Variants in SYNPO2 observed in about 807,000 individuals in gnomAD.
The protein encoded by SYNPO2 is synaptopodin 2.
Under a neutral mutation model 85.0 loss-of-function variants are expected in SYNPO2, and 56 were observed. The ratio of observed to expected loss-of-function variants is 0.66; its 90% CI spans 0.53 to 0.82. The LOEUF is 0.82. Ranked by LOEUF, SYNPO2 falls within the 40% of genes least tolerant of loss-of-function variation. The pLI is 0.00. For missense variants in SYNPO2, 1,575 were observed against 1,534.2 expected (o/e 1.03, Z -0.44); for synonymous variants, 602 against 591.1 (o/e 1.02, Z -0.27).
intron 1 of SYNPO2, among the ~76,000 whole-genome samples, chr4:118,903,646 G>A (rs1326069042): frequency 6.6e-6 from 1 of 152,040 alleles, no homozygotes; most frequent in Non-Finnish European, 1.5e-5. Context: ...CAGTTTAAGA[G>A]AAGGGATCCT....
At chr4:119,024,214 A>G (rs1233511335) in intron 2 of SYNPO2, among the ~76,000 whole-genome samples, 1 of 152,228 alleles carries the variant, frequency 6.6e-6, no homozygotes, top group African/African-American at 2.4e-5. Context: ...AATGTAAAAA[A>G]CAAAAGAAAA....
At chr4:119,037,574 C>G (rs553995877) in intron 4 of SYNPO2, 314 of 989,278 alleles carry the variant, frequency 3.2e-4, no homozygotes, top group Middle Eastern at 3.1e-3. Context: ...TGGTTCAAGT[C>G]AGGATGACAT....
At chr4:118,900,731 A>C (rs201266928) in intron 1 of SYNPO2, among the ~76,000 whole-genome samples, 10,212 of 86,534 alleles carry the variant, frequency 0.12, 657 homozygotes, top group Non-Finnish European at 0.14. Flanking sequence ...ATATATATAT[A>C]TGTCTGTCTG....
intron 1 of SYNPO2, among the ~76,000 whole-genome samples, chr4:118,872,018 T>G (rs1731812106): frequency 6.6e-6 from 1 of 151,542 alleles, no homozygotes; most frequent in Admixed American, 6.6e-5. Context: ...ATCATGCTTT[T>G]GCCTTAGTCA....
At chr4:118,873,244 A>G (rs942568931) in intron 1 of SYNPO2, among the ~76,000 whole-genome samples, 1 of 152,186 alleles carries the variant, frequency 6.6e-6, no homozygotes, top group African/African-American at 2.4e-5. Context: ...CAGTAGTTCT[A>G]ATTTTAGTTC....
intron 1 of SYNPO2, among the ~76,000 whole-genome samples, chr4:118,872,621 C>T (rs4834711): frequency 0.32 from 48,686 of 151,884 alleles, 9,308 homozygotes; most frequent in Admixed American, 0.45. Context: ...AACTTAAAGA[C>T]CAGGCATTAC....
chr4:118,854,699 A>G (rs1373687249), intron 1 of SYNPO2, among the ~76,000 whole-genome samples: 1 of 152,190 alleles, frequency 6.6e-6, no homozygotes, highest in Admixed American at 6.5e-5. Context: ...AGGAGGAATT[A>G]TGCTTATAAT....
Position 119,016,417 on chromosome 4 carries a change from CA to C in SYNPO2, c.106-6998del, listed in dbSNP as rs11444354. 9.3e-4 allele frequency among the ~76,000 whole-genome samples: 130 copies of C among 139,734 alleles called. 1 individual carries two copies. Among genetic ancestry groups the C allele is most frequent in the South Asian group, 3.4e-3 (15 of 4,458 alleles). The allele number at this position is 139,734 out of a possible 152,430, so 91.7% of individuals were successfully genotyped here. A position where few individuals can be genotyped will look rare whatever the true frequency, so the allele number is the denominator to read the frequency against. ...GGGCAACAAGAGCAAGACTCCATTT[CA>C]AAAAAAAAAAAAAATCAACTAAAAT... is the stretch of plus-strand genomic sequence containing the variant. On this transcript the variant is annotated intron_variant, in intron 1 of 4. Coordinates refer to ENST00000307142, the MANE Select transcript of SYNPO2 (RefSeq NM_133477.3).
chr4:118,887,705 C>T (rs568445366), upstream of SYNPO2, among the ~76,000 whole-genome samples: 72 of 152,282 alleles, frequency 4.7e-4, no homozygotes, highest in Middle Eastern at 3.4e-3. Flanking sequence ...ACTGTAGTCA[C>T]TTAACCTTGT....
intron 1 of SYNPO2, among the ~76,000 whole-genome samples, chr4:118,982,774 G>A (rs964270551): frequency 2.6e-5 from 4 of 152,166 alleles, no homozygotes; most frequent in Admixed American, 6.5e-5. Flanking sequence ...TGTCTGGAAG[G>A]CATTCTACAT....
intron 4 of SYNPO2, among the ~76,000 whole-genome samples, chr4:119,054,484 TG>T (rs1206112837): frequency 1.3e-5 from 2 of 152,152 alleles, no homozygotes; most frequent in Non-Finnish European, 1.5e-5. Context: ...TGGCTCTCAG[TG>T]GAGAGAGGAG....
At position 118,927,717 on chromosome 4, in the gene SYNPO2, TA is replaced by T. The variant is rs1385721113; in HGVS notation, c.105+38577del. Among the ~76,000 whole-genome samples, 4 of 149,160 alleles carry T rather than the reference TA, an allele frequency of 2.7e-5. No homozygotes were observed. In the East Asian group the frequency reaches 7.8e-4, roughly 29 times the overall value. On this transcript the variant is annotated intron_variant, in intron 1 of 4. Transcript: ENST00000307142. ...ACAATGAGATAGATAGATAGATAGA[TA>T]GATAGATAGATAGATAGATAGATAG...
intron 4 of SYNPO2, among the ~76,000 whole-genome samples, chr4:119,044,194 G>A (rs1410838935): frequency 6.6e-6 from 1 of 152,138 alleles, no homozygotes; most frequent in African/African-American, 2.4e-5. Flanking sequence ...GATAAAAGAT[G>A]TTTCCTAAGT....
chr4:119,007,379 C>T (rs1321055006), intron 1 of SYNPO2, among the ~76,000 whole-genome samples: 1 of 143,992 alleles, frequency 6.9e-6, no homozygotes, highest in Non-Finnish European at 1.5e-5. Flanking sequence ...AAAAGATCAT[C>T]CTGAAATGTT....
rs1739281749 is a variant in SYNPO2 at position 119,058,273 on chromosome 4, C to T, written c.*339C>T. 2 of 176,390 alleles carry T rather than the reference C, an allele frequency of 1.1e-5. No homozygotes were observed. Among genetic ancestry groups the T allele is most frequent in the South Asian group, 2.9e-4 (2 of 6,798 alleles). The allele number at this position is 176,390 out of a possible 1,614,324, so 10.9% of individuals were successfully genotyped here. ...TAGGTAGTCTATGCAACAAACTCTA[C>T]TCAATTAAAGTAAAACTAAGTATTT... On this transcript the variant is annotated 3_prime_UTR_variant, in exon 5 of 5. Transcript: ENST00000307142.
At chr4:118,976,660 A>G (rs1351673307) in intron 1 of SYNPO2, among the ~76,000 whole-genome samples, 3 of 152,110 alleles carry the variant, frequency 2.0e-5, no homozygotes, top group African/African-American at 7.2e-5. Flanking sequence ...GTTTCCACAC[A>G]CAGGTTCTCC....
intron 1 of SYNPO2, among the ~76,000 whole-genome samples, chr4:119,018,096 G>A (rs983872855): frequency 2.6e-5 from 4 of 151,950 alleles, no homozygotes; most frequent in Non-Finnish European, 4.4e-5. Context: ...AAATTTCCCC[G>A]AGAAGTCTTA....
At chr4:118,878,511 A>T (rs562243105) in intron 1 of SYNPO2, among the ~76,000 whole-genome samples, 43 of 152,242 alleles carry the variant, frequency 2.8e-4, no homozygotes, top group Admixed American at 5.9e-4. Flanking sequence ...ACTTGGAGAA[A>T]TTTTCCATCT....
chr4:118,856,861 A>C (rs1731516356), intron 1 of SYNPO2, among the ~76,000 whole-genome samples: 1 of 152,202 alleles, frequency 6.6e-6, no homozygotes, highest in Non-Finnish European at 1.5e-5. Flanking sequence ...AGGAAGAAAA[A>C]TGCAAAGAAC....
Sources: allele counts gnomAD v4.1 joint callset (sites outside exome capture counted in the v4.1 genomes callset), GRCh38; gene constraint gnomAD v4.1.1; transcripts MANE v1.5; gene names NCBI Gene and HGNC (gene_info 2026-07-23, HGNC 2026-07-21).